PRDM1: variants seen among roughly 807,000 people sequenced by gnomAD.
The protein encoded by PRDM1 is PR domain zinc finger protein 1.
In PRDM1, 13 loss-of-function variants were observed where a neutral mutation model predicts 62.8. The observed-to-expected ratio is 0.21, with a 90% CI of 0.13 to 0.33. PRDM1 has a LOEUF of 0.33. Ranked by LOEUF, PRDM1 falls within the 10% of genes least tolerant of loss-of-function variation. The pLI is 1.00. For missense variants in PRDM1, 895 were observed against 1,058.8 expected (o/e 0.85, Z 2.15); for synonymous variants, 396 against 417.6 (o/e 0.95, Z 0.63).
rs569444482 is a variant in PRDM1, at chr6:106,005,179, A to G, written c.-67+11540A>G. 3.9e-5 allele frequency among the ~76,000 whole-genome samples: 6 copies of G among 152,342 alleles called. No homozygotes were observed. The East Asian group carries it at 1.2e-3, about 29-fold the overall frequency. On this transcript the variant is annotated intron_variant, in intron 1 of 6. Transcript: ENST00000652320. ...AATGATTGATTTTGGCACTTGATGG[A>G]AGGCTGAAGAATGTTCAATTACCCC...
At chr6:106,086,644 C>CT (rs765598211) in intron 1 of PRDM1, 49 bp downstream of exon 1, 6 of 1,458,076 alleles carry the variant, frequency 4.1e-6, no homozygotes, top group South Asian at 2.5e-5. Flanking sequence ...GATCTGAAAA[C>CT]TTTATTTTCT....
At position 106,099,457 on chromosome 6, in the gene PRDM1, T is replaced by C; in HGVS notation, c.569T>C (p.Ile190Thr). The C allele has an allele frequency of 6.2e-7, 1 of 1,614,204 alleles. No homozygotes were observed. Among genetic ancestry groups the C allele is most frequent in the South Asian group, 1.1e-5 (1 of 91,088 alleles). ...MNIYFYTIKP[I>T]PANQELLVWY... ...ATCTACTTCTACACCATTAAGCCCA[T>C]CCCTGCCAACCAGGAACTTCTTGTG... Residue 190 changes from isoleucine (I) to threonine (T), a missense_variant, in exon 4 of 7, where the codon ATC becomes ACC. Coordinates refer to ENST00000369096, the MANE Select transcript of PRDM1 (RefSeq NM_001198.4).
intron 1 of PRDM1, among the ~76,000 whole-genome samples, chr6:106,008,102 G>A (rs1166464143): frequency 6.6e-6 from 1 of 152,246 alleles, no homozygotes; most frequent in Non-Finnish European, 1.5e-5. Flanking sequence ...GCTGGGCGCG[G>A]TGGCTCACGC....
chr6:106,090,469 A>G (rs968282253), intron 2 of PRDM1, among the ~76,000 whole-genome samples: 1 of 152,194 alleles, frequency 6.6e-6, no homozygotes, highest in Non-Finnish European at 1.5e-5. Context: ...GTAAACTTGA[A>G]TGTAATACTG....
exon 1 of PRDM1, among the ~76,000 whole-genome samples, chr6:105,993,580 G>A (rs1018689633): frequency 6.6e-6 from 1 of 152,258 alleles, no homozygotes; most frequent in Non-Finnish European, 1.5e-5. Context: ...GTCTTCAGGA[G>A]CGGGCTGAGC....
rs1203709517 is a variant in PRDM1 at position 105,994,913 on chromosome 6, CCCGG to C, written c.-67+1276_-67+1279del. ...GACGGCGCGCTTGTCGCGGGAGCCT[CCCGG>C]CTTGCGGAGGGCTTGAGTTTTTTGG... is the stretch of plus-strand genomic sequence containing the variant. On this transcript the variant is annotated intron_variant, in intron 1 of 6. Transcript: ENST00000652320. The surrounding 1 kb of genome is among the most constrained non-coding windows in gnomAD (Gnocchi z 4.1). Among the ~76,000 whole-genome samples, 1 of 152,222 alleles carries C rather than the reference CCCGG, an allele frequency of 6.6e-6. No homozygotes were observed. The highest frequency in any genetic ancestry group is 2.4e-5 in the African/African-American group (1 of 41,470).
At chr6:106,042,605 A>G (rs533450051) in intron 1 of PRDM1, among the ~76,000 whole-genome samples, 11 of 152,132 alleles carry the variant, frequency 7.2e-5, no homozygotes, top group Non-Finnish European at 1.6e-4. Flanking sequence ...GTAAGAATGA[A>G]CGTTTAACTT....
At chr6:106,098,190 A>G in intron 3 of PRDM1, 1 of 985,270 alleles carries the variant, frequency 1.0e-6, no homozygotes, top group Non-Finnish European at 1.2e-6. Flanking sequence ...CTGCTTGGAG[A>G]CTGCAAGTCG....
intron 1 of PRDM1, among the ~76,000 whole-genome samples, chr6:106,030,030 G>T (rs1772821297): frequency 6.6e-6 from 1 of 152,086 alleles, no homozygotes; most frequent in South Asian, 2.1e-4. Flanking sequence ...CTACTATTTT[G>T]CACATTTAGA....
chr6:106,049,492 G>A (rs1773136187), intron 1 of PRDM1, among the ~76,000 whole-genome samples: 1 of 152,190 alleles, frequency 6.6e-6, no homozygotes. Context: ...AGGATGGCCT[G>A]AGCTCTTGCC....
chr6:106,074,055 A>G (rs1418173141), intron 1 of PRDM1, among the ~76,000 whole-genome samples: 3 of 152,174 alleles, frequency 2.0e-5, no homozygotes, highest in Non-Finnish European at 4.4e-5. Flanking sequence ...TTCTGGTGGC[A>G]GTGGTGCTGA....
At chr6:106,000,803 T>C (rs149161089) in intron 1 of PRDM1, among the ~76,000 whole-genome samples, 2 of 152,344 alleles carry the variant, frequency 1.3e-5, no homozygotes, top group Non-Finnish European at 2.9e-5. Flanking sequence ...ATTTATCTAT[T>C]TTATAATGTT....
intron 1 of PRDM1, among the ~76,000 whole-genome samples, chr6:105,998,892 T>C (rs1285729477): frequency 1.4e-4 from 1 of 7,230 alleles, no homozygotes; most frequent in African/African-American, 7.1e-4. Flanking sequence ...AGTTAATACA[T>C]ATATATATAT....
chr6:105,995,485 A>G (rs186171475), intron 1 of PRDM1, among the ~76,000 whole-genome samples: 114 of 152,358 alleles, frequency 7.5e-4, no homozygotes, highest in African/African-American at 2.6e-3. Context: ...TGAAGCTACC[A>G]TAGTGTAGGA....
chr6:106,022,067 A>G (rs1582428810), intron 1 of PRDM1, among the ~76,000 whole-genome samples: 1 of 152,242 alleles, frequency 6.6e-6, no homozygotes, highest in Non-Finnish European at 1.5e-5. Context: ...AAAGACTAGT[A>G]TAAGGATAAA....
rs772555842 is a variant in PRDM1, at chr6:106,106,322, T to C, written c.1774-49T>C. ...TGAGTCTTGGAGCAGAAATGTTAGG[T>C]CTCAGAGCCAGCTTGAGAGCAGAGC... On this transcript the variant is annotated intron_variant, in intron 5 of 6. Coordinates refer to ENST00000369096, the MANE Select transcript of PRDM1 (RefSeq NM_001198.4). The surrounding 1 kb of genome is among the most constrained non-coding windows in gnomAD (Gnocchi z 4.4). The C allele has an allele frequency of 6.2e-7, 1 of 1,604,662 alleles. No homozygotes were observed. Among genetic ancestry groups the C allele is most frequent in the South Asian group, 1.1e-5 (1 of 90,500 alleles).
At chr6:106,014,706 T>C (rs1042041089) in intron 1 of PRDM1, among the ~76,000 whole-genome samples, 1 of 151,350 alleles carries the variant, frequency 6.6e-6, no homozygotes, top group African/African-American at 2.4e-5. Flanking sequence ...AGTTAATCTA[T>C]AATCATCACA....
chr6:106,082,222 C>T (rs1010202990), upstream of PRDM1, among the ~76,000 whole-genome samples: 4 of 152,250 alleles, frequency 2.6e-5, no homozygotes, highest in Non-Finnish European at 4.4e-5. Flanking sequence ...TTCCCACCAG[C>T]TGTAAGGTTA....
chr6:106,012,470 A>G (rs1248247891), intron 1 of PRDM1, among the ~76,000 whole-genome samples: 1 of 150,488 alleles, frequency 6.6e-6, no homozygotes, highest in Non-Finnish European at 1.5e-5. Context: ...ACCCCTCCAC[A>G]TTCACACACA....
Sources: allele counts gnomAD v4.1 joint callset (sites outside exome capture counted in the v4.1 genomes callset), GRCh38; gene constraint gnomAD v4.1.1; non-coding constraint Gnocchi (gnomAD v3.1); transcripts MANE v1.5; gene names NCBI Gene and HGNC (gene_info 2026-07-23, HGNC 2026-07-21).